ATE1: variants seen among roughly 807,000 people sequenced by gnomAD.
ATE1 encodes arginyltransferase 1, also known as arginyl-tRNA--protein transferase 1.
Under a neutral mutation model 70.5 loss-of-function variants are expected in ATE1, and 36 were observed. The ratio of observed to expected loss-of-function variants is 0.51; its 90% CI spans 0.39 to 0.67. The LOEUF is 0.67. Among genes scored for constraint, ATE1 ranks in the 30% least tolerant of loss-of-function variants. ATE1 has a pLI of 0.00. For missense variants in ATE1, 593 were observed against 629.5 expected (o/e 0.94, Z 0.62); for synonymous variants, 232 against 219.3 (o/e 1.06, Z -0.51).
chr10:121,874,142 A>G (rs769425866), intron 7 of ATE1, among the ~76,000 whole-genome samples: 81 of 152,198 alleles, frequency 5.3e-4, no homozygotes, highest in Admixed American at 3.9e-4. Context: ...TGCAATTATC[A>G]ATCTAAATTA....
chr10:121,771,264 T>G (rs200443252), intron 11 of ATE1, among the ~76,000 whole-genome samples: 4 of 151,994 alleles, frequency 2.6e-5, no homozygotes, highest in Non-Finnish European at 4.4e-5. Context: ...AGAGACGGGG[T>G]TTCACCATCT....
intron 10 of ATE1, among the ~76,000 whole-genome samples, chr10:121,800,976 A>G (rs1946855314): frequency 6.6e-6 from 1 of 152,148 alleles, no homozygotes; most frequent in African/African-American, 2.4e-5. Flanking sequence ...ACAGAGATTG[A>G]CTTTATCAGT....
chr10:121,775,523 G>A (rs1945701666), intron 11 of ATE1, among the ~76,000 whole-genome samples: 1 of 152,096 alleles, frequency 6.6e-6, no homozygotes, highest in African/African-American at 2.4e-5. Flanking sequence ...ACAGTTCTAA[G>A]TTTAAATCTA....
intron 7 of ATE1, among the ~76,000 whole-genome samples, chr10:121,895,376 G>A (rs748917197): frequency 4.6e-5 from 7 of 152,178 alleles, no homozygotes; most frequent in Admixed American, 1.3e-4. Context: ...TCGGGAGGCC[G>A]AGGCGGGTGG....
chr10:121,824,037 G>T (rs1387155152), intron 10 of ATE1, among the ~76,000 whole-genome samples: 1 of 152,080 alleles, frequency 6.6e-6, no homozygotes, highest in African/African-American at 2.4e-5. Context: ...TTTGACTCTG[G>T]TGTGGCAAAA....
At position 121,806,459 on chromosome 10, in the gene ATE1, C is replaced by A. The variant is rs1251017901; in HGVS notation, c.1258-16170G>T. Among the ~76,000 whole-genome samples the A allele has an allele frequency of 2.0e-5, 3 of 152,120 alleles. No individual in the cohort carries two copies. In the East Asian group the frequency reaches 5.8e-4, roughly 29 times the overall value. On this transcript the variant is annotated intron_variant, in intron 10 of 11. Coordinates refer to ENST00000224652, the MANE Select transcript of ATE1 (RefSeq NM_001001976.3). ...CCGAGTGAGACCCTGACTCCCCCAC[C>A]CCCAAAAAACCCATAACAAATGAAA...
chr10:121,793,002 A>G (rs1280972160), intron 10 of ATE1, among the ~76,000 whole-genome samples: 1 of 152,242 alleles, frequency 6.6e-6, no homozygotes, highest in Admixed American at 6.5e-5. Context: ...AACTGGGAGA[A>G]AATTTTGACA....
intron 8 of ATE1, among the ~76,000 whole-genome samples, chr10:121,841,888 T>C (rs1326428669): frequency 6.6e-6 from 1 of 152,122 alleles, no homozygotes; most frequent in African/African-American, 2.4e-5. Context: ...ACACCACCTG[T>C]TCCCCAGAAA....
chr10:121,894,846 A>G (rs1950716734), intron 7 of ATE1, among the ~76,000 whole-genome samples: 1 of 152,124 alleles, frequency 6.6e-6, no homozygotes, highest in Non-Finnish European at 1.5e-5. Flanking sequence ...GCTTGCAGTG[A>G]GCCGAGATCG....
intron 8 of ATE1, among the ~76,000 whole-genome samples, chr10:121,858,670 A>T (rs1019179812): frequency 7.3e-6 from 1 of 136,664 alleles, no homozygotes; most frequent in Non-Finnish European, 1.5e-5. Context: ...ATATATATAT[A>T]ATATATATAT....
chr10:121,796,925 T>C (rs1444756316), intron 10 of ATE1, among the ~76,000 whole-genome samples: 2 of 152,198 alleles, frequency 1.3e-5, no homozygotes, highest in Non-Finnish European at 2.9e-5. Flanking sequence ...TCCAATTTCT[T>C]ACCCTATAAA....
intron 11 of ATE1, among the ~76,000 whole-genome samples, chr10:121,780,743 C>T (rs1362344361): frequency 1.3e-5 from 2 of 152,172 alleles, no homozygotes; most frequent in Non-Finnish European, 2.9e-5. Flanking sequence ...GCTTCTGTTC[C>T]ATCCCCTGTT....
intron 8 of ATE1, among the ~76,000 whole-genome samples, chr10:121,843,620 A>G: frequency 6.6e-6 from 1 of 152,204 alleles, no homozygotes; most frequent in African/African-American, 2.4e-5. Flanking sequence ...TAAAACAGAC[A>G]CACACAAATA....
At chr10:121,811,926 CCTT>C (rs1947333766) in intron 10 of ATE1, among the ~76,000 whole-genome samples, 1 of 150,950 alleles carries the variant, frequency 6.6e-6, no homozygotes, top group African/African-American at 2.4e-5. Context: ...CAGAAATTTC[CCTT>C]CTATGAACCT....
intron 11 of ATE1, among the ~76,000 whole-genome samples, chr10:121,774,673 C>T (rs1945659720): frequency 6.6e-6 from 1 of 152,144 alleles, no homozygotes; most frequent in African/African-American, 2.4e-5. Context: ...GAGACAGAAA[C>T]TGTGTTCTTT....
chr10:121,790,952 G>GTA (rs142004935), intron 10 of ATE1, among the ~76,000 whole-genome samples: 213 of 5,914 alleles, frequency 0.036, 1 homozygote, highest in South Asian at 0.16. Flanking sequence ...ATATATATGT[G>GTA]TATATATATA....
At position 121,794,797 on chromosome 10, in the gene ATE1, C is replaced by T. The variant is rs534085652; in HGVS notation, c.1258-4508G>A. Reference sequence around the variant, plus strand: ...GGCAAAAAAAGCACAGGACAAATATCGAGGGTGGAGATGGGGGTGATCGGA... The same window carrying T: ...GGCAAAAAAAGCACAGGACAAATATTGAGGGTGGAGATGGGGGTGATCGGA... On this transcript the variant is annotated intron_variant, in intron 10 of 11. Coordinates refer to ENST00000224652, the MANE Select transcript of ATE1 (RefSeq NM_001001976.3). Among the ~76,000 whole-genome samples, 7 of 152,022 alleles carry T rather than the reference C, an allele frequency of 4.6e-5. 1 individual carries two copies. The highest frequency in any genetic ancestry group is 1.7e-4 in the African/African-American group (7 of 41,468).
rs1944394417 is a variant in ATE1, at chr10:121,746,889, T to C, written c.1379-3031A>G. Among the ~76,000 whole-genome samples the C allele has an allele frequency of 3.9e-5, 6 of 152,170 alleles. No individual in the cohort carries two copies. The South Asian group carries it at 8.3e-4, about 21-fold the overall frequency. ...TAACACTCTTCTTCCGACATCTAAATGAGAGTGTTCCTACTATATGAATTT... is the reference window on the plus strand; with the variant it reads ...TAACACTCTTCTTCCGACATCTAAACGAGAGTGTTCCTACTATATGAATTT... On this transcript the variant is annotated intron_variant, in intron 11 of 11. Transcript: ENST00000224652.
chr10:121,778,323 A>C (rs534586530), intron 11 of ATE1, among the ~76,000 whole-genome samples: 1 of 152,306 alleles, frequency 6.6e-6, no homozygotes, highest in African/African-American at 2.4e-5. Context: ...AAAACAATGG[A>C]GTGCATCGTA....
Sources: gnomAD v4.1 joint callset for allele counts (sites outside exome capture counted in the v4.1 genomes callset) on GRCh38, gnomAD v4.1.1 for gene constraint, MANE v1.5 for transcripts, NCBI Gene and HGNC (gene_info 2026-07-23, HGNC 2026-07-21) for gene names.